The following GUCY1A1 variants were observed in gnomAD, a reference collection of about 807,000 sequenced individuals.
GUCY1A1 encodes guanylate cyclase soluble subunit alpha-1.
A neutral mutation model predicts 64.5 loss-of-function variants in GUCY1A1; 48 were observed. The ratio of observed to expected loss-of-function variants is 0.74; its 90% CI spans 0.59 to 0.95. The LOEUF (loss-of-function observed/expected upper bound fraction) is 0.95. GUCY1A1 is among the 40% of genes least tolerant of loss of function. The probability of loss-of-function intolerance (pLI) is 0.00; values close to 1 mark genes in which losing one functional copy is unlikely to be tolerated. For missense variants in GUCY1A1, 804 were observed against 825.3 expected (o/e 0.97, Z 0.32); for synonymous variants, 308 against 303.4 (o/e 1.02, Z -0.16).
At chr4:155,719,126 TTGC>T (rs1311195940) in intron 8 of GUCY1A1, among the ~76,000 whole-genome samples, 3 of 152,168 alleles carry the variant, frequency 2.0e-5, no homozygotes, top group Non-Finnish European at 4.4e-5. Context: ...TTTTTGTTAT[TTGC>T]AGAAATGTAT....
chr4:155,724,037 A>G (rs1278234441), intron 9 of GUCY1A1, among the ~76,000 whole-genome samples: 1 of 151,968 alleles, frequency 6.6e-6, no homozygotes. Flanking sequence ...CTCATATTTC[A>G]CCACCAGAAT....
chr4:155,673,382 C>T (rs1253511188), intron 2 of GUCY1A1, among the ~76,000 whole-genome samples: 6 of 151,404 alleles, frequency 4.0e-5, no homozygotes, highest in Non-Finnish European at 8.8e-5. Context: ...CAGCACTTAA[C>T]AATGAGCATA....
intron 5 of GUCY1A1, 63 bp downstream of exon 5, chr4:155,708,357 C>A: frequency 2.5e-6 from 2 of 812,864 alleles, no homozygotes; most frequent in Non-Finnish European, 4.2e-6. Flanking sequence ...ACATTTTCTC[C>A]AAAAATATTC....
At chr4:155,721,649 G>A (rs910425992) in intron 8 of GUCY1A1, among the ~76,000 whole-genome samples, 3 of 152,070 alleles carry the variant, frequency 2.0e-5, no homozygotes, top group African/African-American at 7.2e-5. Context: ...TTGGGAAAAT[G>A]ATTCCAGGAG....
At position 155,736,577 on chromosome 4, in the gene GUCY1A1, TGAC is replaced by T. The variant is rs1210454986; in HGVS notation, c.*6347_*6349del. The stretch of plus-strand genomic sequence containing the variant: ...ATGTTCAAAATGAGAAGACAATAAC[TGAC>T]AAGTCTGTGATTTTTGGGTTAGATG... On this transcript the variant is annotated 3_prime_UTR_variant, in exon 10 of 10. Coordinates refer to ENST00000506455, the MANE Select transcript of GUCY1A1 (RefSeq NM_001130682.3). 6.6e-6 allele frequency: 1 copy of T among 152,018 alleles called. No individual in the cohort carries two copies. The allele number at this position is 152,018 out of a possible 1,614,324, so 9.4% of individuals were successfully genotyped here. A position where few individuals can be genotyped will look rare whatever the true frequency, so the allele number is the denominator to read the frequency against.
chr4:155,673,252 T>C (rs546745537), intron 2 of GUCY1A1, among the ~76,000 whole-genome samples: 1 of 151,566 alleles, frequency 6.6e-6, no homozygotes, highest in Non-Finnish European at 1.5e-5. Flanking sequence ...AAGTTTATTA[T>C]GGATTATGCT....
At chr4:155,706,886 G>A (rs372199658) in intron 4 of GUCY1A1, among the ~76,000 whole-genome samples, 6 of 152,120 alleles carry the variant, frequency 3.9e-5, no homozygotes, top group East Asian at 1.9e-4. Flanking sequence ...TCAACAAGTC[G>A]TGCAGTTAAA....
chr4:155,695,368 A>G (rs1730281207), intron 2 of GUCY1A1, among the ~76,000 whole-genome samples: 1 of 152,178 alleles, frequency 6.6e-6, no homozygotes, highest in African/African-American at 2.4e-5. Flanking sequence ...AACCTAATTG[A>G]ACTTCAACTC....
At position 155,692,042 on chromosome 4, in the gene GUCY1A1, G is replaced by A. The variant is rs541712407; in HGVS notation, c.-112-4714G>A. 3.3e-5 allele frequency among the ~76,000 whole-genome samples: 5 copies of A among 152,202 alleles called. No individual in the cohort carries two copies. The East Asian group carries it at 9.7e-4, about 29-fold the overall frequency. On this transcript the variant is annotated intron_variant, in intron 2 of 9. Transcript: ENST00000506455. ...CTCTCACTTATAAGTGAGAACATGC[G>A]GTGTTTGGTTTTCTGTTCCTGGGTT...
At chr4:155,704,784 A>T (rs959521712) in intron 4 of GUCY1A1, among the ~76,000 whole-genome samples, 1 of 152,058 alleles carries the variant, frequency 6.6e-6, no homozygotes, top group Non-Finnish European at 1.5e-5. Flanking sequence ...TGGTGTGATC[A>T]TAGCTCACTG....
At chr4:155,688,530 A>G (rs907892361) in intron 2 of GUCY1A1, among the ~76,000 whole-genome samples, 28 of 152,216 alleles carry the variant, frequency 1.8e-4, no homozygotes, top group Non-Finnish European at 7.3e-5. Context: ...TACCTAAATT[A>G]TAATGTACTC....
In GUCY1A1 at chr4:155,730,486, T is replaced by G. The variant is rs1444258995; in HGVS notation, c.*255T>G. 1 of 321,030 alleles carries G rather than the reference T, an allele frequency of 3.1e-6. No homozygotes were observed. The highest frequency in any genetic ancestry group is 5.8e-6 in the Non-Finnish European group (1 of 173,302). The allele number at this position is 321,030 out of a possible 1,614,324, so 19.9% of individuals were successfully genotyped here. ...TTTCTATTATATAACCAGCACTTAC[T>G]ACCTGTACTCAAAATTCAGCACCTT... On this transcript the variant is annotated 3_prime_UTR_variant, in exon 10 of 10. Coordinates refer to ENST00000506455, the MANE Select transcript of GUCY1A1 (RefSeq NM_001130682.3).
In GUCY1A1 at chr4:155,731,727, G is replaced by A. The variant is rs191680001; in HGVS notation, c.*1496G>A. 6.3e-4 allele frequency: 96 copies of A among 151,878 alleles called. No homozygotes were observed. The highest frequency in any genetic ancestry group is 2.2e-3 in the African/African-American group (93 of 41,512). 9.4% of individuals were successfully genotyped at this position (151,878 alleles called of 1,614,324 possible). On this transcript the variant is annotated 3_prime_UTR_variant, in exon 10 of 10. Transcript: ENST00000506455. ...TAGATAGGCTGAGCTCTTATTTGGG[G>A]TTCTGAGAAATAACTCAGTTTAAAA...
rs900984498 is a variant in GUCY1A1, at chr4:155,732,898, C to G, written c.*2667C>G. On this transcript the variant is annotated 3_prime_UTR_variant, in exon 10 of 10. Transcript: ENST00000506455. ...TCGAGTACACTATATAAATTATCTC[C>G]TTATACATATTTCTCAGGCAAGCAC... 2.6e-5 allele frequency among the ~76,000 whole-genome samples: 4 copies of G among 151,774 alleles called. No individual in the cohort carries two copies. Among genetic ancestry groups the G allele is most frequent in the African/African-American group, 9.7e-5 (4 of 41,352 alleles).
chr4:155,692,705 A>G (rs1476732856), intron 2 of GUCY1A1, among the ~76,000 whole-genome samples: 6 of 152,186 alleles, frequency 3.9e-5, no homozygotes, highest in Admixed American at 6.5e-5. Flanking sequence ...TTTTCCTTAC[A>G]TGATATTGTT....
At position 155,703,918 on chromosome 4, in the gene GUCY1A1, T is replaced by C. The variant is rs763060307; in HGVS notation, c.256-14T>C. ...TATAAGGGAATGTTTAAAACATTTC[T>C]TTTGAACTTTCAGTTTGAACGGCTG... is the stretch of plus-strand genomic sequence containing the variant. On this transcript the variant is annotated splice_polypyrimidine_tract_variant and intron_variant, in intron 3 of 9. Transcript: ENST00000506455. The C allele has an allele frequency of 6.4e-7, 1 of 1,556,098 alleles. No individual in the cohort carries two copies. Among genetic ancestry groups the C allele is most frequent in the Non-Finnish European group, 8.8e-7 (1 of 1,134,604 alleles).
At chr4:155,697,158 A>C (rs1280068718) in intron 3 of GUCY1A1, 36 bp downstream of exon 3, 2 of 1,527,850 alleles carry the variant, frequency 1.3e-6, no homozygotes, top group South Asian at 2.4e-5. Flanking sequence ...AAATTGTAAT[A>C]CTTTGAAATT....
At position 155,713,344 on chromosome 4, in the gene GUCY1A1, G is replaced by A; in HGVS notation, c.1333G>A (p.Glu445Lys). ...TLEQAHQALE[E>K]EKKKTVDLLC... Reference sequence around the variant, plus strand: ...TGAGCAAGCCCACCAAGCCCTGGAGGAGGAGAAGAAAAAGACAGTAGACCT... The same window carrying A: ...TGAGCAAGCCCACCAAGCCCTGGAGAAGGAGAAGAAAAAGACAGTAGACCT... The change falls in exon 7 of 10, where the codon GAG (glutamate) becomes AAG (lysine). Residue 445 changes from glutamate (E) to lysine (K), a missense_variant. By Grantham distance (56) the Glu-to-Lys change is moderately conservative (BLOSUM62 1). Transcript: ENST00000506455. 1 of 1,614,196 alleles carries A rather than the reference G, an allele frequency of 6.2e-7. No homozygotes were observed. Among genetic ancestry groups the A allele is most frequent in the African/African-American group, 1.3e-5 (1 of 75,058 alleles).
intron 2 of GUCY1A1, among the ~76,000 whole-genome samples, chr4:155,678,596 C>G (rs933240382): frequency 1.3e-5 from 2 of 152,156 alleles, no homozygotes; most frequent in Non-Finnish European, 2.9e-5. Flanking sequence ...TAATGTCATA[C>G]ATTTAATTAA....
Sources: gnomAD v4.1 joint callset for allele counts (sites outside exome capture counted in the v4.1 genomes callset) on GRCh38, gnomAD v4.1.1 for gene constraint, MANE v1.5 for transcripts, NCBI Gene and HGNC (gene_info 2026-07-23, HGNC 2026-07-21) for gene names.